The following SLC11A2 variants were observed in gnomAD, a reference collection of about 807,000 sequenced individuals.
The protein encoded by SLC11A2 is natural resistance-associated macrophage protein 2.
A neutral mutation model predicts 68.0 loss-of-function variants in SLC11A2; 38 were observed. The observed-to-expected ratio is 0.56, with a 90% CI of 0.43 to 0.73. The LOEUF (loss-of-function observed/expected upper bound fraction) is 0.73, where lower values mean the gene tolerates loss of function less well. SLC11A2 is among the 30% of genes least tolerant of loss of function. The pLI, the probability that SLC11A2 is intolerant of heterozygous loss-of-function variation, is 0.00. For synonymous variants in SLC11A2, 242 were observed against 250.6 expected (o/e 0.97, Z 0.32); for missense variants, 517 against 690.5 (o/e 0.75, Z 2.82).
At position 50,986,764 on chromosome 12, in the gene SLC11A2, G is replaced by T; in HGVS notation, c.*1561C>A. The T allele has an allele frequency of 7.8e-7, 1 of 1,287,044 alleles. No homozygotes were observed. Among genetic ancestry groups the T allele is most frequent in the South Asian group, 1.2e-5 (1 of 80,924 alleles). 79.7% of individuals were successfully genotyped at this position (1,287,044 alleles called of 1,614,324 possible). A position where few individuals can be genotyped will look rare whatever the true frequency, so the allele number is the denominator to read the frequency against. On this transcript the variant is annotated 3_prime_UTR_variant, in exon 16 of 16. Coordinates refer to ENST00000262052, the MANE Select transcript of SLC11A2 (RefSeq NM_000617.3). Reference sequence around the variant, plus strand: ...TAACTCTGTGCTATATTACTTGAGGGGCTAAGAAAAATGTATGGTCAGTGA... The same window carrying T: ...TAACTCTGTGCTATATTACTTGAGGTGCTAAGAAAAATGTATGGTCAGTGA...
intron 2 of SLC11A2, chr12:51,009,385 A>G (rs910605678): frequency 3.0e-6 from 3 of 997,064 alleles, no homozygotes. Context: ...GGGAAGCAGA[A>G]GGTCTGGGAG....
the SLC11A2 span, among the ~76,000 whole-genome samples, chr12:50,962,290 T>C: frequency 6.6e-6 from 1 of 151,362 alleles, no homozygotes; most frequent in African/African-American, 2.4e-5. Flanking sequence ...ATGCCTGTAA[T>C]CCCAGCTACT....
intron 5 of SLC11A2, among the ~76,000 whole-genome samples, chr12:51,002,653 A>AAAAAAAAAAAAAAT (rs57712551): frequency 6.6e-6 from 1 of 150,530 alleles, no homozygotes; most frequent in Non-Finnish European, 1.5e-5. Context: ...AAAAAAAAAA[A>AAAAAAAAAAAAAAT]GGGCAGAGCC....
the SLC11A2 span, among the ~76,000 whole-genome samples, chr12:50,954,712 T>C: frequency 2.6e-4 from 40 of 152,204 alleles, no homozygotes; most frequent in Middle Eastern, 3.4e-3. Context: ...GGTGACATAG[T>C]GAGACCCTGT....
the SLC11A2 span, among the ~76,000 whole-genome samples, chr12:50,955,586 G>C: frequency 2.0e-5 from 3 of 152,156 alleles, no homozygotes; most frequent in Non-Finnish European, 1.5e-5. Flanking sequence ...AGGTATGTCA[G>C]ATGTTCCCGT....
intron 4 of SLC11A2, 84 bp downstream of exon 4, chr12:51,005,227 C>G (rs1004403689): frequency 1.4e-6 from 2 of 1,447,924 alleles, no homozygotes; most frequent in Non-Finnish European, 1.9e-6. Context: ...GCCCCTGAGG[C>G]TACTATCCAA....
the SLC11A2 span, among the ~76,000 whole-genome samples, chr12:50,972,265 A>T: frequency 7.2e-5 from 11 of 152,266 alleles, no homozygotes; most frequent in Non-Finnish European, 1.5e-4. Context: ...AGCTTTTCCT[A>T]CAAAACCCAG....
At chr12:51,016,778 C>A (rs1471390610) in intron 1 of SLC11A2, among the ~76,000 whole-genome samples, 3 of 139,694 alleles carry the variant, frequency 2.1e-5, no homozygotes, top group African/African-American at 8.1e-5. Flanking sequence ...ACCTGGGAGG[C>A]GGAGGTTGCA....
At chr12:51,014,428 T>G (rs184611056) in intron 1 of SLC11A2, among the ~76,000 whole-genome samples, 244 of 152,308 alleles carry the variant, frequency 1.6e-3, no homozygotes, top group Non-Finnish European at 2.9e-3. Flanking sequence ...ATACAAAAAG[T>G]TTCGTCTTCT....
downstream of SLC11A2, among the ~76,000 whole-genome samples, chr12:50,982,436 C>T (rs554344986): frequency 3.0e-4 from 45 of 151,876 alleles, no homozygotes; most frequent in Non-Finnish European, 5.6e-4. Context: ...CCATCCTGGC[C>T]AACATGATGA....
chr12:50,987,253 T>G lies in SLC11A2; in HGVS notation c.*1072A>C, dbSNP rs114477310. ...ACTTTGCAACCATACTAACACCTAC[T>G]GACTTGCAGAGAACGCTGAGAAAGA... On this transcript the variant is annotated 3_prime_UTR_variant, in exon 16 of 16. Transcript: ENST00000262052. The G allele has an allele frequency of 4.0e-5, 51 of 1,287,236 alleles. No individual in the cohort carries two copies. In the African/African-American group the frequency reaches 7.4e-4, roughly 19 times the overall value. The allele number at this position is 1,287,236 out of a possible 1,614,324, so 79.7% of individuals were successfully genotyped here.
chr12:50,998,764 T>A (rs1348140194), intron 8 of SLC11A2, among the ~76,000 whole-genome samples: 1 of 152,128 alleles, frequency 6.6e-6, no homozygotes, highest in African/African-American at 2.4e-5. Flanking sequence ...CATTAACTGT[T>A]TTAATATTGG....
chr12:51,028,134 C>T, upstream of SLC11A2: 1 of 1,346,036 alleles, frequency 7.4e-7, no homozygotes, highest in South Asian at 1.3e-5. Context: ...ACTTGTCACC[C>T]TTTCAGGTCT....
At chr12:50,978,604 C>T (rs947833490), downstream of SLC11A2, among the ~76,000 whole-genome samples, 3 of 72,534 alleles carry the variant, frequency 4.1e-5, no homozygotes, top group Admixed American at 1.8e-4. Flanking sequence ...AACAAACCTG[C>T]ACGCTGTGCA....
At chr12:51,023,992 TG>T (rs950164148) in intron 1 of SLC11A2, among the ~76,000 whole-genome samples, 4 of 150,558 alleles carry the variant, frequency 2.7e-5, no homozygotes, top group African/African-American at 9.8e-5. Flanking sequence ...CCTTGTCTTG[TG>T]GGGGGTGGGA....
At position 50,992,277 on chromosome 12, in the gene SLC11A2, G is replaced by A. The variant is rs764809948; in HGVS notation, c.1260C>T (p.Ile420=). 1.2e-6 allele frequency: 2 copies of A among 1,614,028 alleles called. No individual in the cohort carries two copies. Among genetic ancestry groups the A allele is most frequent in the East Asian group, 2.2e-5 (1 of 44,884 alleles). Residue 420 remains isoleucine, a synonymous_variant, in exon 13 of 16, where the codon ATC becomes ATT. Transcript: ENST00000262052. ...AGACAGCAACAAGCAGAGTGGGGAT[G>A]ATGGCAATAGAGCGAGTCAGAACCA... ...ARVVLTRSIA[I]IPTLLVAVFQ...
the SLC11A2 span, among the ~76,000 whole-genome samples, chr12:50,972,922 A>G: frequency 6.6e-6 from 1 of 152,228 alleles, no homozygotes; most frequent in South Asian, 2.1e-4. Flanking sequence ...ATCAAACTGC[A>G]ACGTGGCAGC....
intron 11 of SLC11A2, 58 bp from the exon 12 acceptor site, chr12:50,992,987 C>A: frequency 6.2e-7 from 1 of 1,604,520 alleles, no homozygotes; most frequent in Non-Finnish European, 8.5e-7. Context: ...AGACAATATC[C>A]AAAACAGCAG....
At chr12:50,978,812 GT>G (rs1272285632), downstream of SLC11A2, among the ~76,000 whole-genome samples, 1 of 152,058 alleles carries the variant, frequency 6.6e-6, no homozygotes, top group East Asian at 1.9e-4. Context: ...CAAAATTTTA[GT>G]GGCCTCATGT....
Sources: allele counts gnomAD v4.1 joint callset (sites outside exome capture counted in the v4.1 genomes callset), GRCh38; gene constraint gnomAD v4.1.1; transcripts MANE v1.5; gene names NCBI Gene and HGNC (gene_info 2026-07-23, HGNC 2026-07-21).